Variants in PDE4B observed in about 807,000 individuals in gnomAD.
The protein encoded by PDE4B is 3',5'-cyclic-AMP phosphodiesterase 4B.
In PDE4B, 20 loss-of-function variants were observed where a neutral mutation model predicts 82.2. The observed-to-expected ratio is 0.24, with a 90% CI of 0.17 to 0.35. The LOEUF (loss-of-function observed/expected upper bound fraction) is 0.35. Among genes scored for constraint, PDE4B ranks in the 10% least tolerant of loss-of-function variants. PDE4B has a pLI of 1.00. For missense variants in PDE4B, 655 were observed against 907.2 expected (o/e 0.72, Z 3.57); for synonymous variants, 320 against 318.9 (o/e 1.00, Z -0.04).
chr1:65,838,361 A>G (rs1439608627), intron 1 of PDE4B, among the ~76,000 whole-genome samples: 3 of 151,976 alleles, frequency 2.0e-5, no homozygotes, highest in Admixed American at 1.3e-4. Context: ...AAACTATAGT[A>G]GAAACACACT....
intron 1 of PDE4B, among the ~76,000 whole-genome samples, chr1:65,849,040 T>A (rs1220647006): frequency 1.3e-5 from 2 of 152,144 alleles, no homozygotes; most frequent in Non-Finnish European, 2.9e-5. Context: ...GAAAATTGGC[T>A]ATTAAGAGGT....
chr1:65,992,889 T>C, intron 3 of PDE4B: 3 of 1,611,038 alleles, frequency 1.9e-6, no homozygotes, highest in Non-Finnish European at 2.5e-6. Context: ...TGGTGAAAGC[T>C]AGCACTCCTT....
At chr1:65,957,326 A>T (rs1649312220) in intron 3 of PDE4B, among the ~76,000 whole-genome samples, 1 of 152,026 alleles carries the variant, frequency 6.6e-6, no homozygotes, top group Admixed American at 6.6e-5. Flanking sequence ...AAGGTTCGCC[A>T]CCATTCGTTG....
intron 3 of PDE4B, among the ~76,000 whole-genome samples, chr1:66,163,986 G>T (rs1646669332): frequency 6.6e-6 from 1 of 152,112 alleles, no homozygotes; most frequent in South Asian, 2.1e-4. Context: ...CCTCTAGTGA[G>T]CTTTAAAAAC....
In PDE4B at chr1:65,918,643, C is replaced by A. The variant is rs775196620; in HGVS notation, c.89C>A (p.Ser30Tyr). ...FECSLSKSYS[S>Y]SSNTLGIDLW... ...TGTAGCTTGAGTAAATCCTACAGTT[C>A]TTCCAGTAACACACTTGGGATCGAC... The change falls in exon 3 of 17, where the codon TCT (serine) becomes TAT (tyrosine). Residue 30 changes from serine to tyrosine, a missense_variant. Transcript: ENST00000341517. The A allele has an allele frequency of 8.7e-6, 14 of 1,613,246 alleles. No homozygotes were observed. Among genetic ancestry groups the A allele is most frequent in the Non-Finnish European group, 1.2e-5 (14 of 1,179,160 alleles).
chr1:66,212,387 C>T (rs1650119853), intron 3 of PDE4B, among the ~76,000 whole-genome samples: 1 of 152,162 alleles, frequency 6.6e-6, no homozygotes, highest in African/African-American at 2.4e-5. Context: ...AGCCTTTGCT[C>T]TTGCTGTTAT....
chr1:66,304,815 A>G (rs964083310), intron 7 of PDE4B, among the ~76,000 whole-genome samples: 3 of 152,142 alleles, frequency 2.0e-5, no homozygotes, highest in African/African-American at 7.2e-5. Context: ...GCTATAGGAC[A>G]TTACTAAAAT....
intron 3 of PDE4B, among the ~76,000 whole-genome samples, chr1:65,987,923 G>T (rs894809502): frequency 3.3e-5 from 5 of 152,130 alleles, no homozygotes; most frequent in African/African-American, 1.2e-4. Flanking sequence ...CTTGCGTCTT[G>T]ATATTCTTAT....
intron 9 of PDE4B, among the ~76,000 whole-genome samples, chr1:66,355,911 C>T (rs1277658995): frequency 2.0e-5 from 3 of 152,210 alleles, no homozygotes; most frequent in Non-Finnish European, 4.4e-5. Context: ...TCCATCTTTG[C>T]TAAGACCTCT....
At chr1:65,882,398 G>A (rs1379444516) in intron 1 of PDE4B, among the ~76,000 whole-genome samples, 1 of 152,118 alleles carries the variant, frequency 6.6e-6, no homozygotes, top group Non-Finnish European at 1.5e-5. Context: ...AACTCAGCTG[G>A]GTTGTTACTT....
chr1:65,837,930 C>T (rs1176152192), intron 1 of PDE4B, among the ~76,000 whole-genome samples: 1 of 152,126 alleles, frequency 6.6e-6, no homozygotes, highest in Non-Finnish European at 1.5e-5. Flanking sequence ...CCTTGTTCCC[C>T]TCTATGTGTC....
intron 1 of PDE4B, among the ~76,000 whole-genome samples, chr1:65,888,261 T>C (rs1441909876): frequency 5.9e-5 from 9 of 152,170 alleles, no homozygotes; most frequent in African/African-American, 2.2e-4. Flanking sequence ...TGGTTGAAAA[T>C]ACGTGAATTT....
chr1:66,103,944 T>C (rs376215683), intron 3 of PDE4B, among the ~76,000 whole-genome samples: 1 of 152,050 alleles, frequency 6.6e-6, no homozygotes, highest in Non-Finnish European at 1.5e-5. Context: ...TTCTTTATTT[T>C]ATTATTATTA....
At chr1:66,019,518 G>C (rs1453855434) in intron 3 of PDE4B, among the ~76,000 whole-genome samples, 1 of 151,714 alleles carries the variant, frequency 6.6e-6, no homozygotes, top group East Asian at 1.9e-4. Context: ...GAAATGCCTG[G>C]CTCATTTTTG....
rs537880390 is a variant in PDE4B at position 65,816,323 on chromosome 1, A to T, written c.-71+23075A>T. Among the ~76,000 whole-genome samples the T allele has an allele frequency of 5.3e-5, 8 of 152,108 alleles. No homozygotes were observed. The South Asian group carries it at 8.3e-4, about 16-fold the overall frequency. On this transcript the variant is annotated intron_variant, in intron 1 of 16. Transcript: ENST00000341517. ...TGACAGCTAATAAACGCTTGAAGAT[A>T]TATTAATTCTCCATAGTAACCAAAT... is the stretch of plus-strand genomic sequence containing the variant.
intron 3 of PDE4B, among the ~76,000 whole-genome samples, chr1:65,954,884 G>GA (rs1217237695): frequency 6.6e-6 from 1 of 151,598 alleles, no homozygotes; most frequent in Admixed American, 6.6e-5. Context: ...TTTCAATTTA[G>GA]AAAAAAGTGT....
chr1:65,827,317 A>G (rs1385035710), intron 1 of PDE4B, among the ~76,000 whole-genome samples: 1 of 152,214 alleles, frequency 6.6e-6, no homozygotes, highest in Admixed American at 6.5e-5. Context: ...CCCGTCTCAG[A>G]TATGACATAG....
chr1:65,941,489 G>A (rs1557447351), intron 3 of PDE4B, among the ~76,000 whole-genome samples: 3 of 151,968 alleles, frequency 2.0e-5, no homozygotes, highest in South Asian at 2.1e-4. Flanking sequence ...ATGCCTTGAC[G>A]TGGCACCAGC....
intron 4 of PDE4B, among the ~76,000 whole-genome samples, chr1:66,254,734 A>C (rs1034149301): frequency 3.9e-5 from 6 of 152,160 alleles, no homozygotes; most frequent in Admixed American, 3.9e-4. Flanking sequence ...TAAATTGAAA[A>C]TTATATTTCT....
Sources: allele counts gnomAD v4.1 joint callset (sites outside exome capture counted in the v4.1 genomes callset), GRCh38; gene constraint gnomAD v4.1.1; transcripts MANE v1.5; gene names NCBI Gene and HGNC (gene_info 2026-07-23, HGNC 2026-07-21).